The following ABCB10 variants were observed in gnomAD, a reference collection of about 807,000 sequenced individuals.
ABCB10 encodes the protein ATP binding cassette subfamily B member 10, also known as ATP-binding cassette sub-family B member 10, mitochondrial.
Under a neutral mutation model 65.4 loss-of-function variants are expected in ABCB10, and 54 were observed. The ratio of observed to expected loss-of-function variants is 0.83; its 90% CI spans 0.66 to 1.04. The LOEUF (loss-of-function observed/expected upper bound fraction) is 1.04, where lower values mean the gene tolerates loss of function less well. Among genes scored for constraint, ABCB10 ranks in the 50% least tolerant of loss-of-function variants. ABCB10 has a pLI of 0.00. For missense variants in ABCB10, 846 were observed against 976.6 expected, an observed-to-expected ratio of 0.87 and a Z score of 1.78; for synonymous variants, 418 against 406.5, an observed-to-expected ratio of 1.03 and a Z score of -0.34.
rs1662872315 is a variant in ABCB10 at position 229,542,358 on chromosome 1, G to A, written c.935C>T (p.Pro312Leu). 1 of 1,611,302 alleles carries A rather than the reference G, an allele frequency of 6.2e-7. No individual in the cohort carries two copies. Among genetic ancestry groups the A allele is most frequent in the Non-Finnish European group, 8.5e-7 (1 of 1,179,278 alleles). ...GCTCAAAACAAAGGTGGCCAGATTA[G>A]GTGAGACAAAAAACTGTCAAAAACA... Reference protein sequence around the residue: ...VGISMMFFVSPNLATFVLSVV... With the variant: ...VGISMMFFVSLNLATFVLSVV... Residue 312 changes from proline to leucine, a missense_variant, in exon 4 of 13, where the codon CCT becomes CTT. Around this residue, in one of 2 missense-constraint regions of ABCB10, gnomAD observed 632 missense variants for 803.2 expected, o/e 0.79. Coordinates refer to ENST00000344517, the MANE Select transcript of ABCB10 (RefSeq NM_012089.3).
At position 229,542,373 on chromosome 1, in the gene ABCB10, T is replaced by G; in HGVS notation, c.922-2A>C. 3 of 1,604,680 alleles carry G rather than the reference T, an allele frequency of 1.9e-6. No individual in the cohort carries two copies. Among genetic ancestry groups the G allele is most frequent in the Non-Finnish European group, 2.5e-6 (3 of 1,177,424 alleles). On this transcript the variant is annotated splice_acceptor_variant, in intron 3 of 12. Coordinates refer to ENST00000344517, the MANE Select transcript of ABCB10 (RefSeq NM_012089.3). LOFTEE classifies it high-confidence loss of function. ...GGCCAGATTAGGTGAGACAAAAAAC[T>G]GTCAAAAACAAAAAAAAATTCAGAG...
chr1:229,558,247 C>T lies in ABCB10; in HGVS notation c.406G>A (p.Gly136Arg), dbSNP rs1663311430. ...AWAGDEAWRR[G>R]PAAPPGDKGR... Reference sequence around the variant, plus strand: ...TTGTCCCCGGGAGGCGCCGCCGGCCCGCGCCGCCAGGCCTCGTCCCCTGCC... The same window carrying T: ...TTGTCCCCGGGAGGCGCCGCCGGCCTGCGCCGCCAGGCCTCGTCCCCTGCC... The change falls in exon 1 of 13, where the codon GGG becomes AGG. Residue 136 changes from glycine to arginine, a missense_variant. Transcript: ENST00000344517. 1.5e-6 allele frequency: 2 copies of T among 1,333,380 alleles called. No individual in the cohort carries two copies. The highest frequency in any genetic ancestry group is 1.9e-6 in the Non-Finnish European group (2 of 1,045,498). The allele number at this position is 1,333,380 out of a possible 1,614,324, so 82.6% of individuals were successfully genotyped here. A position where few individuals can be genotyped will look rare whatever the true frequency, so the allele number is the denominator to read the frequency against.
intron 1 of ABCB10, chr1:229,549,793 C>T: frequency 3.9e-6 from 1 of 259,648 alleles, no homozygotes; most frequent in South Asian, 5.0e-5. Flanking sequence ...TTGTATTTTT[C>T]CTCCATTCAT....
chr1:229,558,267 C>A lies in ABCB10; in HGVS notation c.386G>T (p.Gly129Val). 7.9e-7 allele frequency: 1 copy of A among 1,272,318 alleles called. No homozygotes were observed. Among genetic ancestry groups the A allele is most frequent in the Non-Finnish European group, 9.9e-7 (1 of 1,012,898 alleles). The allele number at this position is 1,272,318 out of a possible 1,614,324, so 78.8% of individuals were successfully genotyped here. The change falls in exon 1 of 13, where the codon GGG (glycine) becomes GTG (valine). Residue 129 changes from glycine (G) to valine (V), a missense_variant. Around this residue, in one of 2 missense-constraint regions of ABCB10, gnomAD observed 632 missense variants for 803.2 expected, o/e 0.79. Coordinates refer to ENST00000344517, the MANE Select transcript of ABCB10 (RefSeq NM_012089.3). ...PGGPAAAAWA[G>V]DEAWRRGPAA... ...CGGCCCGCGCCGCCAGGCCTCGTCC[C>A]CTGCCCAGGCAGCGGCTGCGGGACC...
chr1:229,530,146 G>C, intron 8 of ABCB10, 53 bp downstream of exon 8: 2 of 1,578,776 alleles, frequency 1.3e-6, no homozygotes, highest in Non-Finnish European at 8.7e-7. Context: ...GCGCAAAAGT[G>C]GGAGCAGAGC....
At chr1:229,539,622 T>A (rs762029743) in intron 5 of ABCB10, 31 bp from the exon 6 acceptor site, 1 of 1,603,444 alleles carries the variant, frequency 6.2e-7, no homozygotes, top group Admixed American at 1.7e-5. Flanking sequence ...AGAAGTCAGG[T>A]GGGAATCAAG....
chr1:229,534,650 C>T (rs1662665545), intron 6 of ABCB10, among the ~76,000 whole-genome samples: 1 of 151,838 alleles, frequency 6.6e-6, no homozygotes, highest in Non-Finnish European at 1.5e-5. Context: ...AGGTGGATCA[C>T]CTGAGGTCAG....
chr1:229,532,473 C>T (rs532652403), intron 6 of ABCB10, among the ~76,000 whole-genome samples: 1 of 152,226 alleles, frequency 6.6e-6, no homozygotes, highest in South Asian at 2.1e-4. Context: ...AATAATACCT[C>T]ACCTTCAGCC....
rs953784460 is a variant in ABCB10, at chr1:229,521,770, C to T, written c.1907-135G>A. ...TAGCTGACACAGATAGACCAGAAACCTATTTTAAAATATAGGTTTAAAATA... is the reference window on the plus strand; with the variant it reads ...TAGCTGACACAGATAGACCAGAAACTTATTTTAAAATATAGGTTTAAAATA... On this transcript the variant is annotated intron_variant, in intron 10 of 12. Coordinates refer to ENST00000344517, the MANE Select transcript of ABCB10 (RefSeq NM_012089.3). 2.3e-5 allele frequency: 18 copies of T among 772,704 alleles called. No homozygotes were observed. In the African/African-American group the frequency reaches 2.8e-4, roughly 12 times the overall value. The allele number at this position is 772,704 out of a possible 1,614,324, so 47.9% of individuals were successfully genotyped here.
chr1:229,519,509 C>T (rs368081535), intron 11 of ABCB10, among the ~76,000 whole-genome samples: 1 of 152,136 alleles, frequency 6.6e-6, no homozygotes, highest in Non-Finnish European at 1.5e-5. Context: ...GTAAGATGGC[C>T]GGACGTGGTG....
chr1:229,518,957 T>C, intron 11 of ABCB10, 82 bp from the exon 12 acceptor site: 1 of 1,154,188 alleles, frequency 8.7e-7, no homozygotes, highest in Non-Finnish European at 1.3e-6. Flanking sequence ...GGAATAAAAT[T>C]CTGACACATG....
At chr1:229,544,882 C>T (rs1199521167) in intron 3 of ABCB10, among the ~76,000 whole-genome samples, 1 of 152,184 alleles carries the variant, frequency 6.6e-6, no homozygotes, top group East Asian at 1.9e-4. Flanking sequence ...AGAGAAAAGG[C>T]CTCAGAATGA....
intron 1 of ABCB10, among the ~76,000 whole-genome samples, chr1:229,557,894 A>G (rs1327324344): frequency 2.6e-5 from 4 of 152,222 alleles, no homozygotes; most frequent in Non-Finnish European, 1.5e-5. Flanking sequence ...AATGACATAT[A>G]TAACGTGTGT....
rs774040875 is a variant in ABCB10 at position 229,542,288 on chromosome 1, A to G, written c.1005T>C (p.Tyr335=). ...GAGTGACTTTGGTCAGTTTCCGTAG[A>G]TATCGCCCATAAATTACAGCAATGA... is the stretch of plus-strand genomic sequence containing the variant. ...VSIIAVIYGR[Y]LRKLTKVTQD... Residue 335 remains tyrosine, a synonymous_variant, in exon 4 of 13, where the codon TAT becomes TAC. Coordinates refer to ENST00000344517, the MANE Select transcript of ABCB10 (RefSeq NM_012089.3). The G allele has an allele frequency of 1.2e-6, 2 of 1,614,146 alleles. No homozygotes were observed. Among genetic ancestry groups the G allele is most frequent in the Non-Finnish European group, 1.7e-6 (2 of 1,180,024 alleles).
intron 10 of ABCB10, among the ~76,000 whole-genome samples, 156 bp downstream of exon 10, chr1:229,525,780 C>G (rs1230424159): frequency 6.6e-6 from 1 of 151,950 alleles, no homozygotes; most frequent in Non-Finnish European, 1.5e-5. Context: ...TGCAGAGAGC[C>G]GAGATTGCGC....
chr1:229,524,893 T>C (rs1662398864), intron 10 of ABCB10, among the ~76,000 whole-genome samples: 1 of 151,878 alleles, frequency 6.6e-6, no homozygotes, highest in South Asian at 2.1e-4. Context: ...TCATTCTGTC[T>C]CCCAGGCTGG....
intron 11 of ABCB10, among the ~76,000 whole-genome samples, chr1:229,519,716 G>A (rs1393235962): frequency 2.0e-5 from 3 of 152,208 alleles, no homozygotes; most frequent in Non-Finnish European, 2.9e-5. Context: ...TTGAACTCGG[G>A]AAGTGGAGGC....
At chr1:229,542,798 G>A (rs1662881979) in intron 3 of ABCB10, among the ~76,000 whole-genome samples, 1 of 151,808 alleles carries the variant, frequency 6.6e-6, no homozygotes. Flanking sequence ...ACAGCAACAC[G>A]TCCCATCAAA....
chr1:229,525,478 G>A (rs1472877994), intron 10 of ABCB10, among the ~76,000 whole-genome samples: 1 of 152,144 alleles, frequency 6.6e-6, no homozygotes. Flanking sequence ...ACATATAAGA[G>A]AGCAAGTGGT....
Sources: allele counts gnomAD v4.1 joint callset (sites outside exome capture counted in the v4.1 genomes callset), GRCh38; gene constraint gnomAD v4.1.1; regional missense constraint gnomAD v4.1.1; transcripts MANE v1.5; gene names NCBI Gene and HGNC (gene_info 2026-07-23, HGNC 2026-07-21).